The following RBFOX1 variants were observed in gnomAD, a reference collection of about 807,000 sequenced individuals.
RBFOX1 encodes RNA binding protein fox-1 homolog 1.
A neutral mutation model predicts 57.7 loss-of-function variants in RBFOX1; 8 were observed. The ratio of observed to expected loss-of-function variants is 0.14; its 90% CI spans 0.08 to 0.25. The LOEUF (loss-of-function observed/expected upper bound fraction) is 0.25, where lower values mean the gene tolerates loss of function less well. RBFOX1 is among the 10% of genes least tolerant of loss of function. The pLI, the probability that RBFOX1 is intolerant of heterozygous loss-of-function variation, is 1.00. For synonymous variants in RBFOX1, 326 were observed against 222.4 expected (o/e 1.47, Z -4.15); for missense variants, 611 against 548.5 (o/e 1.11, Z -1.14).
At chr16:6,560,502 C>T (rs933423061) in intron 2 of RBFOX1, among the ~76,000 whole-genome samples, 2 of 152,002 alleles carry the variant, frequency 1.3e-5, no homozygotes, top group Non-Finnish European at 1.5e-5. Context: ...TTGAGAGTAG[C>T]CGTCTGTTCA....
intron 3 of RBFOX1, among the ~76,000 whole-genome samples, chr16:6,949,497 G>A (rs1224807902): frequency 6.6e-6 from 1 of 152,194 alleles, no homozygotes; most frequent in Non-Finnish European, 1.5e-5. Context: ...TCTAAAGCCA[G>A]AGCATTGGCA....
intron 3 of RBFOX1, among the ~76,000 whole-genome samples, chr16:7,009,243 A>C (rs1433382233): frequency 1.7e-5 from 2 of 119,544 alleles, no homozygotes; most frequent in Non-Finnish European, 3.4e-5. Flanking sequence ...CTTCTTGTCT[A>C]CTTCCTCTCC....
At chr16:7,201,733 G>T (rs1046416826) in intron 4 of RBFOX1, among the ~76,000 whole-genome samples, 5 of 152,078 alleles carry the variant, frequency 3.3e-5, no homozygotes, top group Non-Finnish European at 5.9e-5. Flanking sequence ...AAAGTACTGG[G>T]ACTACAGGCA....
chr16:7,541,883 C>A (rs2083045906), intron 5 of RBFOX1, among the ~76,000 whole-genome samples: 1 of 152,190 alleles, frequency 6.6e-6, no homozygotes, highest in African/African-American at 2.4e-5. Context: ...CCAGGCCATT[C>A]ACAAGCCACA....
chr16:6,779,985 A>T (rs1446513825), intron 3 of RBFOX1, among the ~76,000 whole-genome samples: 1 of 61,710 alleles, frequency 1.6e-5, no homozygotes, highest in Non-Finnish European at 2.5e-5. Context: ...ATATATTTAT[A>T]TATTTATATA....
At chr16:5,548,337 C>G (rs2045320844) in intron 2 of RBFOX1, among the ~76,000 whole-genome samples, 1 of 151,140 alleles carries the variant, frequency 6.6e-6, no homozygotes, top group Admixed American at 6.6e-5. Context: ...ATGCAATATA[C>G]TTGAGTAACA....
chr16:7,268,588 A>G (rs2095237790), intron 4 of RBFOX1, among the ~76,000 whole-genome samples: 1 of 152,132 alleles, frequency 6.6e-6, no homozygotes. Flanking sequence ...TATGCGCTGG[A>G]TGGTTTGCAG....
At chr16:7,421,714 A>G (rs1327457449) in intron 4 of RBFOX1, among the ~76,000 whole-genome samples, 1 of 152,258 alleles carries the variant, frequency 6.6e-6, no homozygotes, top group Admixed American at 6.5e-5. Context: ...GGGCAGTCAT[A>G]GAAATAACAA....
chr16:6,707,293 C>G lies in RBFOX1; in HGVS notation c.-16+52643C>G, dbSNP rs112216402. 2.8e-3 allele frequency among the ~76,000 whole-genome samples: 433 copies of G among 152,264 alleles called. 3 individuals carry two copies. Among genetic ancestry groups the G allele is most frequent in the African/African-American group, 0.01 (417 of 41,568 alleles). On this transcript the variant is annotated intron_variant, in intron 3 of 15. Transcript: ENST00000550418. ...GCTGATCTGTGTTCTGAAAGTGAGG[C>G]TGAGACAGACGCATTTCCTCTCCTC...
chr16:5,834,730 G>C lies in RBFOX1; in HGVS notation c.319-32573G>C, dbSNP rs8053352. On this transcript the variant is annotated intron_variant, in intron 3 of 19. Transcript: ENST00000641259. ...AGATAGATAGATACATAGATACATA[G>C]ATACATACATACATACATACATACA... Among the ~76,000 whole-genome samples the C allele has an allele frequency of 9.7e-3, 1,420 of 146,370 alleles. 26 individuals carry two copies. Among genetic ancestry groups the C allele is most frequent in the African/African-American group, 0.03 (1,180 of 38,696 alleles).
intron 1 of RBFOX1, among the ~76,000 whole-genome samples, chr16:6,183,280 A>T (rs1402561147): frequency 1.3e-5 from 2 of 151,974 alleles, no homozygotes; most frequent in African/African-American, 4.8e-5. Context: ...GGAGATCGAG[A>T]CCATCCTGGG....
chr16:6,379,602 G>A (rs1272130048), intron 2 of RBFOX1, among the ~76,000 whole-genome samples: 2 of 151,078 alleles, frequency 1.3e-5, no homozygotes, highest in African/African-American at 2.4e-5. Flanking sequence ...AAATTGACAA[G>A]AGAAGAATCA....
chr16:6,692,795 C>G (rs1055285248), intron 3 of RBFOX1, among the ~76,000 whole-genome samples: 1 of 152,090 alleles, frequency 6.6e-6, no homozygotes. Context: ...ATCATTGTCA[C>G]TATCAGTACT....
At chr16:5,817,170 C>G (rs1019271461) in intron 3 of RBFOX1, among the ~76,000 whole-genome samples, 3 of 152,038 alleles carry the variant, frequency 2.0e-5, no homozygotes, top group Non-Finnish European at 4.4e-5. Context: ...CACTCTCTCT[C>G]TATCTCTCTG....
At chr16:6,400,112 A>G (rs1415671904) in intron 2 of RBFOX1, among the ~76,000 whole-genome samples, 1 of 152,220 alleles carries the variant, frequency 6.6e-6, no homozygotes, top group Non-Finnish European at 1.5e-5. Context: ...AACTTGACCT[A>G]TGACATTTAT....
intron 3 of RBFOX1, among the ~76,000 whole-genome samples, chr16:6,757,079 A>G (rs1414958470): frequency 6.6e-6 from 1 of 152,232 alleles, no homozygotes; most frequent in Non-Finnish European, 1.5e-5. Context: ...AGGGAAATGC[A>G]GATCAAAACC....
At chr16:5,573,935 C>T (rs2046370072) in intron 2 of RBFOX1, among the ~76,000 whole-genome samples, 1 of 152,086 alleles carries the variant, frequency 6.6e-6, no homozygotes, top group Non-Finnish European at 1.5e-5. Flanking sequence ...ACCTGGGCAA[C>T]AGAATGAGAC....
intron 3 of RBFOX1, among the ~76,000 whole-genome samples, chr16:5,757,937 T>C (rs1351907441): frequency 1.3e-5 from 2 of 152,200 alleles, no homozygotes; most frequent in South Asian, 2.1e-4. Flanking sequence ...TCATCACCAC[T>C]GTAGCTGACC....
At chr16:6,924,957 G>A (rs944518114) in intron 3 of RBFOX1, among the ~76,000 whole-genome samples, 3 of 150,590 alleles carry the variant, frequency 2.0e-5, no homozygotes, top group South Asian at 2.1e-4. Context: ...TTGCCCTTGC[G>A]ATAGTTTGCT....
Sources: allele counts gnomAD v4.1 joint callset (sites outside exome capture counted in the v4.1 genomes callset), GRCh38; gene constraint gnomAD v4.1.1; transcripts MANE v1.5; gene names NCBI Gene and HGNC (gene_info 2026-07-23, HGNC 2026-07-21).